The following EOMES variants were observed in gnomAD, a reference collection of about 807,000 sequenced individuals.
The protein encoded by EOMES is eomesodermin homolog.
In EOMES, 18 loss-of-function variants were observed where a neutral mutation model predicts 61.0. The ratio of observed to expected loss-of-function variants is 0.30; its 90% CI spans 0.20 to 0.44. The LOEUF (loss-of-function observed/expected upper bound fraction) is 0.44. Among genes scored for constraint, EOMES ranks in the 20% least tolerant of loss-of-function variants. The pLI is 1.00. For missense variants in EOMES, 885 were observed against 939.2 expected (o/e 0.94, Z 0.75); for synonymous variants, 430 against 394.0 (o/e 1.09, Z -1.08).
Position 27,720,233 on chromosome 3 carries a change from T to C in EOMES, c.974A>G (p.Asn325Ser). ...TTTGCCCCCCTGGAAGCGCCAGTGGTTGGGGTCCGCCAGCACCACCTCTAC... is the reference window on the plus strand; with the variant it reads ...TTTGCCCCCCTGGAAGCGCCAGTGGCTGGGGTCCGCCAGCACCACCTCTAC... ...VFVEVVLADP[N>S]HWRFQGGKWV... Residue 325 changes from asparagine to serine, a missense_variant, in exon 2 of 6, where the codon AAC (asparagine) becomes AGC (serine). Physicochemically the swap from Asn to Ser is conservative, Grantham distance 46. Transcript: ENST00000449599. The C allele has an allele frequency of 6.2e-7, 1 of 1,612,920 alleles. No individual in the cohort carries two copies. Among genetic ancestry groups the C allele is most frequent in the Non-Finnish European group, 8.5e-7 (1 of 1,179,480 alleles).
At position 27,718,906 on chromosome 3, in the gene EOMES, C is replaced by A; in HGVS notation, c.1159-13G>T. ...GTAAGACTATCATCTGGAAAGAGTACAGAAAAAAATTGCTAAATCTAAAAA... is the reference window on the plus strand; with the variant it reads ...GTAAGACTATCATCTGGAAAGAGTAAAGAAAAAAATTGCTAAATCTAAAAA... On this transcript the variant is annotated splice_polypyrimidine_tract_variant and intron_variant, in intron 3 of 5. Transcript: ENST00000449599. 1 of 1,584,266 alleles carries A rather than the reference C, an allele frequency of 6.3e-7. No individual in the cohort carries two copies. The highest frequency in any genetic ancestry group is 1.4e-5 in the African/African-American group (1 of 73,490).
rs972413227 is a variant in EOMES at position 27,721,178 on chromosome 3, G to C, written c.881+236C>G. Among the ~76,000 whole-genome samples, 20 of 152,304 alleles carry C rather than the reference G, an allele frequency of 1.3e-4. No individual in the cohort carries two copies. Among genetic ancestry groups the C allele is most frequent in the African/African-American group, 4.8e-4 (20 of 41,564 alleles). On this transcript the variant is annotated intron_variant, in intron 1 of 5. Coordinates refer to ENST00000449599, the MANE Select transcript of EOMES (RefSeq NM_001278182.2). This position sits in a 1 kb window ranked among gnomAD's most constrained non-coding sequence, Gnocchi z 7.4. ...CCAGGTCTGTTCAGGTGAGGATGATGGGAGGGAAAAGCGGTGTACAGCCGT... is the reference window on the plus strand; with the variant it reads ...CCAGGTCTGTTCAGGTGAGGATGATCGGAGGGAAAAGCGGTGTACAGCCGT...
Position 27,721,829 on chromosome 3 carries a change from G to C in EOMES, c.466C>G (p.Leu156Val). Residue 156 changes from leucine (L) to valine (V), a missense_variant, in exon 1 of 6, where the codon CTG (leucine) becomes GTG (valine). By Grantham distance (32) the Leu-to-Val change is conservative (BLOSUM62 1). This residue lies in a region of EOMES where 449 missense variants were observed against 383.6 expected (regional missense o/e 1.17). Transcript: ENST00000449599. The surrounding 1 kb of genome is among the most constrained non-coding windows in gnomAD (Gnocchi z 7.4). ...GGGAAGAGTGAGCAGGGCGCAGCCA[G>C]CTCCGACCCCTGAGGACCGGGGGAC... Reference protein sequence around the residue: ...LQSPGPQGSELAAPCSLFPYQ... With the variant: ...LQSPGPQGSEVAAPCSLFPYQ... 1 of 1,521,298 alleles carries C rather than the reference G, an allele frequency of 6.6e-7. No homozygotes were observed. The highest frequency in any genetic ancestry group is 8.8e-7 in the Non-Finnish European group (1 of 1,141,552). The allele number at this position is 1,521,298 out of a possible 1,614,324, so 94.2% of individuals were successfully genotyped here. A position where few individuals can be genotyped will look rare whatever the true frequency, so the allele number is the denominator to read the frequency against.
Position 27,721,373 on chromosome 3 carries a change from C to T in EOMES, c.881+41G>A. The T allele has an allele frequency of 6.5e-7, 1 of 1,541,460 alleles. No individual in the cohort carries two copies. On this transcript the variant is annotated intron_variant, in intron 1 of 5. Transcript: ENST00000449599. The surrounding 1 kb of genome is among the most constrained non-coding windows in gnomAD (Gnocchi z 7.4). ...ACCTTCCCCAGGACCACACGTCACCCTTTATCCCCGAACCCAGGGGCCCCT... is the reference window on the plus strand; with the variant it reads ...ACCTTCCCCAGGACCACACGTCACCTTTTATCCCCGAACCCAGGGGCCCCT...
intron 2 of EOMES, 52 bp from the exon 3 acceptor site, chr3:27,719,533 A>G: frequency 6.4e-7 from 1 of 1,550,962 alleles, no homozygotes; most frequent in Non-Finnish European, 8.9e-7. Flanking sequence ...GGCTGTTTAC[A>G]AATGGAGAAA....
chr3:27,721,145 C>G lies in EOMES; in HGVS notation c.881+269G>C, dbSNP rs570758632. ...GTGGACATGCCCTAATTTCCATTTC[C>G]GCCTCCTCCAGGTCTGTTCAGGTGA... On this transcript the variant is annotated intron_variant, in intron 1 of 5. Transcript: ENST00000449599. This position sits in a 1 kb window ranked among gnomAD's most constrained non-coding sequence, Gnocchi z 7.4. Among the ~76,000 whole-genome samples the G allele has an allele frequency of 2.0e-5, 3 of 152,254 alleles. No individual in the cohort carries two copies. In the East Asian group the frequency reaches 5.8e-4, roughly 30 times the overall value.
At chr3:27,718,465 G>T (rs926006009) in intron 5 of EOMES, 122 bp downstream of exon 5, 7 of 651,042 alleles carry the variant, frequency 1.1e-5, no homozygotes, top group African/African-American at 3.7e-5. Context: ...TTTGGAAAAA[G>T]AAAAATATGT....
In EOMES at chr3:27,721,027, C is replaced by A. The variant is rs561695824; in HGVS notation, c.881+387G>T. On this transcript the variant is annotated intron_variant, in intron 1 of 5. Coordinates refer to ENST00000449599, the MANE Select transcript of EOMES (RefSeq NM_001278182.2). The surrounding 1 kb of genome is among the most constrained non-coding windows in gnomAD (Gnocchi z 7.4). ...AGCCCATCTACTGCGCTCAGGTGGCCAGCTCTTGAGCCTTCCCTATCCGTG... is the reference window on the plus strand; with the variant it reads ...AGCCCATCTACTGCGCTCAGGTGGCAAGCTCTTGAGCCTTCCCTATCCGTG... Among the ~76,000 whole-genome samples the A allele has an allele frequency of 5.3e-5, 8 of 152,298 alleles. No individual in the cohort carries two copies. The South Asian group carries it at 1.7e-3, about 32-fold the overall frequency.
chr3:27,722,559 C>T, upstream of EOMES: 3 of 1,279,340 alleles, frequency 2.3e-6, no homozygotes, highest in East Asian at 3.4e-5. Context: ...CTTTTCCTTC[C>T]TCGTACCTCT....
rs1156504087 is a variant in EOMES at position 27,717,295 on chromosome 3, C to T, written c.1893G>A (p.Glu631=). ...TCTCTATCCAAGAAGAGCCAATTTC[C>T]TCTTTCACTTTCTCCTTGGAGAGCT... The part of the protein sequence containing the change: ...EDQLSKEKVK[E]EIGSSWIETP... The change falls in exon 6 of 6, where the codon GAG becomes GAA. Residue 631 remains glutamate, a synonymous_variant. Coordinates refer to ENST00000449599, the MANE Select transcript of EOMES (RefSeq NM_001278182.2). This position sits in a 1 kb window ranked among gnomAD's most constrained non-coding sequence, Gnocchi z 4.5. 7 of 1,614,016 alleles carry T rather than the reference C, an allele frequency of 4.3e-6. No homozygotes were observed. Among genetic ancestry groups the T allele is most frequent in the South Asian group, 3.3e-5 (3 of 91,090 alleles).
In EOMES at chr3:27,717,744, G is replaced by C. The variant is rs1222278957; in HGVS notation, c.1444C>G (p.Gln482Glu). The C allele has an allele frequency of 5.6e-6, 9 of 1,613,256 alleles. No homozygotes were observed. The highest frequency in any genetic ancestry group is 7.6e-6 in the Non-Finnish European group (9 of 1,179,564). The change falls in exon 6 of 6, where the codon CAG becomes GAG. Residue 482 changes from glutamine (Q) to glutamate (E), a missense_variant. Gln to Glu is a conservative substitution (Grantham distance 29). Coordinates refer to ENST00000449599, the MANE Select transcript of EOMES (RefSeq NM_001278182.2). The surrounding 1 kb of genome is among the most constrained non-coding windows in gnomAD (Gnocchi z 4.5). The part of the protein sequence containing the change: ...PSPTDSPRSH[Q>E]IVPGGRYGVQ... ...CCGTACCGACCTCCAGGGACAATCT[G>C]ATGGGATCTAGGAGAATCCGTGGGA...
chr3:27,718,854 G>T lies in EOMES; in HGVS notation c.1198C>A (p.Leu400Met). The change falls in exon 4 of 6, where the codon CTG becomes ATG. Residue 400 changes from leucine (L) to methionine (M), a missense_variant. By Grantham distance (15) the Leu-to-Met change is conservative. Around this residue, in one of 3 missense-constraint regions of EOMES, gnomAD observed 177 missense variants for 273.3 expected, o/e 0.65. Transcript: ENST00000449599. Reference sequence around the variant, plus strand: ...TCCTCTGTAACTTCAACAATATGCAGTCGGGGTTGGTATTTGTGTAAGGAT... The same window carrying T: ...TCCTCTGTAACTTCAACAATATGCATTCGGGGTTGGTATTTGTGTAAGGAT... The part of the protein sequence containing the change: ...LQSLHKYQPR[L>M]HIVEVTEDGV... 1 of 1,613,986 alleles carries T rather than the reference G, an allele frequency of 6.2e-7. No homozygotes were observed. Among genetic ancestry groups the T allele is most frequent in the South Asian group, 1.1e-5 (1 of 91,070 alleles).
chr3:27,719,055 CCT>C (rs1491421611), intron 3 of EOMES, among the ~76,000 whole-genome samples, 162 bp from the exon 4 acceptor site: 10 of 151,874 alleles, frequency 6.6e-5, no homozygotes, highest in African/African-American at 2.4e-4. Context: ...TTGCCCCCCC[CCT>C]TTTTTTTTGA....
At position 27,716,993 on chromosome 3, in the gene EOMES, A is replaced by C. The variant is rs1227190015; in HGVS notation, c.*77T>G. ...AAGGCAAACATCTTTTTGGCAACCT[A>C]GGCAAAGAAGACAACAAAAAACACC... is the stretch of plus-strand genomic sequence containing the variant. On this transcript the variant is annotated 3_prime_UTR_variant, in exon 6 of 6. Transcript: ENST00000449599. 5 of 1,150,688 alleles carry C rather than the reference A, an allele frequency of 4.3e-6. No homozygotes were observed. Among genetic ancestry groups the C allele is most frequent in the African/African-American group, 1.5e-5 (1 of 64,866 alleles). 71.3% of individuals were successfully genotyped at this position (1,150,688 alleles called of 1,614,324 possible). A position where few individuals can be genotyped will look rare whatever the true frequency, so the allele number is the denominator to read the frequency against.
At position 27,722,144 on chromosome 3, in the gene EOMES, C is replaced by A; in HGVS notation, c.151G>T (p.Ala51Ser). 1.3e-6 allele frequency: 2 copies of A among 1,566,194 alleles called. No individual in the cohort carries two copies. Among genetic ancestry groups the A allele is most frequent in the Non-Finnish European group, 1.7e-6 (2 of 1,156,004 alleles). Residue 51 changes from alanine to serine, a missense_variant, in exon 1 of 6, where the codon GCG becomes TCG. By Grantham distance (99) the Ala-to-Ser change is moderately conservative. Transcript: ENST00000449599. ...AGACTGCCGGAAAACTTCTTGGACG[C>A]TTTGTCTAAGTCCAACTTCTGAGGA... ...PSPQKLDLDKASKKFSGSLSC... is the reference protein window; with the variant it reads ...PSPQKLDLDKSSKKFSGSLSC...
Position 27,721,787 on chromosome 3 carries a change from C to G in EOMES, c.508G>C (p.Gly170Arg). ...GGGTACACAGGTCCGTGGGGCGCCC[C>G]AGCCGCCGCCTGGTACGGGAAGAGT... ...CSLFPYQAAA[G>R]APHGPVYPAP... is the part of the protein sequence containing the mutation. Residue 170 changes from glycine to arginine, a missense_variant, in exon 1 of 6, where the codon GGG becomes CGG. Physicochemically the swap from Gly to Arg is moderately radical, Grantham distance 125. Around this residue, in one of 3 missense-constraint regions of EOMES, gnomAD observed 449 missense variants for 383.6 expected, o/e 1.17. Coordinates refer to ENST00000449599, the MANE Select transcript of EOMES (RefSeq NM_001278182.2). This position sits in a 1 kb window ranked among gnomAD's most constrained non-coding sequence, Gnocchi z 7.4. 1 of 1,499,568 alleles carries G rather than the reference C, an allele frequency of 6.7e-7. No homozygotes were observed. The highest frequency in any genetic ancestry group is 8.8e-7 in the Non-Finnish European group (1 of 1,136,478). The allele number at this position is 1,499,568 out of a possible 1,614,324, so 92.9% of individuals were successfully genotyped here.
At position 27,722,178 on chromosome 3, in the gene EOMES, C is replaced by A; in HGVS notation, c.117G>T (p.Ala39=). ...SGGSAGHLPS[A]APSPQKLDLD... ...AGTCCAACTTCTGAGGAGAGGGGGC[C>A]GCGCTGGGGAGGTGGCCAGCGCTCC... The change falls in exon 1 of 6, where the codon GCG becomes GCT. Residue 39 remains alanine, a synonymous_variant. Coordinates refer to ENST00000449599, the MANE Select transcript of EOMES (RefSeq NM_001278182.2). 1 of 1,592,272 alleles carries A rather than the reference C, an allele frequency of 6.3e-7. No individual in the cohort carries two copies. The highest frequency in any genetic ancestry group is 8.5e-7 in the Non-Finnish European group (1 of 1,170,756).
At chr3:27,719,639 G>A (rs1273292470) in intron 2 of EOMES, among the ~76,000 whole-genome samples, 158 bp from the exon 3 acceptor site, 1 of 152,230 alleles carries the variant, frequency 6.6e-6, no homozygotes, top group Non-Finnish European at 1.5e-5. Flanking sequence ...GTGGAGACCA[G>A]CAGGACTACA....
rs1450510017 is a variant in EOMES at position 27,717,554 on chromosome 3, G to A, written c.1634C>T (p.Pro545Leu). 1 of 1,614,198 alleles carries A rather than the reference G, an allele frequency of 6.2e-7. No homozygotes were observed. Among genetic ancestry groups the A allele is most frequent in the East Asian group, 2.2e-5 (1 of 44,882 alleles). ...ACTGATGTCTAGTTTGTTGGTCCCA[G>A]GTTGCTGGACAGGCGTGACAAGCCA... is the stretch of plus-strand genomic sequence containing the variant. ...QRWLVTPVQQ[P>L]GTNKLDISSY... Residue 545 changes from proline to leucine, a missense_variant, in exon 6 of 6, where the codon CCT (proline) becomes CTT (leucine). Coordinates refer to ENST00000449599, the MANE Select transcript of EOMES (RefSeq NM_001278182.2). This position sits in a 1 kb window ranked among gnomAD's most constrained non-coding sequence, Gnocchi z 4.5.
Sources: gnomAD v4.1 joint callset for allele counts (sites outside exome capture counted in the v4.1 genomes callset) on GRCh38, gnomAD v4.1.1 for gene constraint, gnomAD v4.1.1 regional missense constraint, Gnocchi (gnomAD v3.1) non-coding constraint, MANE v1.5 for transcripts, NCBI Gene and HGNC (gene_info 2026-07-23, HGNC 2026-07-21) for gene names.